GATA4: variants seen among roughly 807,000 people sequenced by gnomAD.
GATA4 encodes GATA binding protein 4.
In GATA4, 7 loss-of-function variants were observed where a neutral mutation model predicts 37.9. The ratio of observed to expected loss-of-function variants is 0.18; its 90% CI spans 0.11 to 0.35. The LOEUF is 0.35. GATA4 is among the 10% of genes least tolerant of loss of function. The probability of loss-of-function intolerance (pLI) is 1.00; values close to 1 mark genes in which losing one functional copy is unlikely to be tolerated. For synonymous variants in GATA4, 372 were observed against 292.6 expected, an observed-to-expected ratio of 1.27 and a Z score of -2.77; for missense variants, 647 against 653.0, an observed-to-expected ratio of 0.99 and a Z score of 0.10.
At chr8:11,719,542 A>G (rs1800579128) in intron 2 of GATA4, among the ~76,000 whole-genome samples, 1 of 152,188 alleles carries the variant, frequency 6.6e-6, no homozygotes, top group Non-Finnish European at 1.5e-5. Flanking sequence ...AACTCAATGT[A>G]TATTTATTAT....
chr8:11,742,984 C>T (rs373608828), intron 2 of GATA4, among the ~76,000 whole-genome samples: 5 of 152,332 alleles, frequency 3.3e-5, no homozygotes, highest in African/African-American at 9.6e-5. Flanking sequence ...TGGGGTCTGG[C>T]CTTTTCCAAG....
At chr8:11,753,789 A>G (rs568557014) in intron 4 of GATA4, among the ~76,000 whole-genome samples, 1 of 152,338 alleles carries the variant, frequency 6.6e-6, no homozygotes, top group Admixed American at 6.5e-5. Context: ...ATGTCTCTGA[A>G]GCAGTAATTG....
intron 2 of GATA4, among the ~76,000 whole-genome samples, chr8:11,728,786 G>C (rs1801065362): frequency 1.3e-5 from 2 of 152,202 alleles, no homozygotes; most frequent in Non-Finnish European, 2.9e-5. Flanking sequence ...TTTTATATTA[G>C]TGAGAATTTG....
upstream of GATA4, among the ~76,000 whole-genome samples, chr8:11,689,835 C>T (rs574805326): frequency 1.3e-5 from 2 of 152,316 alleles, no homozygotes; most frequent in East Asian, 3.9e-4. Flanking sequence ...CTACTGATTA[C>T]ATCAGGGCGA....
upstream of GATA4, among the ~76,000 whole-genome samples, chr8:11,702,556 A>G (rs1030608673): frequency 6.7e-6 from 1 of 150,220 alleles, no homozygotes; most frequent in African/African-American, 2.5e-5. The surrounding 1 kb of genome is among the most constrained non-coding windows in gnomAD (Gnocchi z 4.4). Flanking sequence ...CGCAGATTGG[A>G]GCGTGCTCCG....
chr8:11,723,859 C>T (rs929501847), intron 2 of GATA4, among the ~76,000 whole-genome samples: 1 of 152,166 alleles, frequency 6.6e-6, no homozygotes, highest in African/African-American at 2.4e-5. Flanking sequence ...ATTAAGTGTA[C>T]AGTTGGGTGG....
At chr8:11,757,316 A>G (rs1802640723) in intron 6 of GATA4, among the ~76,000 whole-genome samples, 1 of 152,224 alleles carries the variant, frequency 6.6e-6, no homozygotes, top group African/African-American at 2.4e-5. Context: ...CAAGATGGTG[A>G]TGTGGACATG....
Position 11,723,053 on chromosome 8 carries a change from C to G in GATA4, c.616+14125C>G, listed in dbSNP as rs1208643797. Reference sequence around the variant, plus strand: ...AAATTGTTTTCAGCATGATTAAGAACTCATGGACTTCAGCTGAGTATAGAG... The same window carrying G: ...AAATTGTTTTCAGCATGATTAAGAAGTCATGGACTTCAGCTGAGTATAGAG... On this transcript the variant is annotated intron_variant, in intron 2 of 6. Transcript: ENST00000532059. Among the ~76,000 whole-genome samples the G allele has an allele frequency of 3.3e-5, 5 of 151,720 alleles. No homozygotes were observed. In the East Asian group the frequency reaches 9.8e-4, roughly 30 times the overall value.
chr8:11,755,352 C>A (rs1478994290), intron 5 of GATA4, among the ~76,000 whole-genome samples: 1 of 152,200 alleles, frequency 6.6e-6, no homozygotes, highest in African/African-American at 2.4e-5. Context: ...TCAACTCAAG[C>A]TGGGGCCTGA....
intron 2 of GATA4, among the ~76,000 whole-genome samples, chr8:11,733,534 G>C (rs541972331): frequency 2.7e-4 from 41 of 152,328 alleles, no homozygotes; most frequent in Non-Finnish European, 5.0e-4. Context: ...AAAAAGATTG[G>C]CATTAGCATT....
intron 2 of GATA4, among the ~76,000 whole-genome samples, chr8:11,740,664 G>A (rs776712736): frequency 1.3e-5 from 2 of 152,168 alleles, no homozygotes; most frequent in Non-Finnish European, 2.9e-5. Flanking sequence ...GCTGCCATTC[G>A]GGAGAGTTTT....
chr8:11,696,963 A>T (rs1409209496), intron 1 of GATA4, among the ~76,000 whole-genome samples: 1 of 152,156 alleles, frequency 6.6e-6, no homozygotes, highest in African/African-American at 2.4e-5. Flanking sequence ...GGAGGGGTGG[A>T]CTTTGCCCCT....
At chr8:11,681,263 G>A (rs930093899) in intron 1 of GATA4, 2 of 985,282 alleles carry the variant, frequency 2.0e-6, no homozygotes, top group African/African-American at 3.5e-5. Context: ...GGAGCGACTG[G>A]ATTCCCAGGC....
intron 1 of GATA4, among the ~76,000 whole-genome samples, chr8:11,687,263 T>G (rs1336599292): frequency 6.6e-6 from 1 of 152,154 alleles, no homozygotes; most frequent in Non-Finnish European, 1.5e-5. Context: ...CGCTGTACCA[T>G]TTAGCATCCC....
intron 1 of GATA4, among the ~76,000 whole-genome samples, chr8:11,693,426 C>A (rs189379614): frequency 6.6e-6 from 1 of 151,170 alleles, no homozygotes; most frequent in Non-Finnish European, 1.5e-5. Context: ...CCACTGCAGT[C>A]CAGCCTGGTG....
chr8:11,740,312 T>C (rs550684629), intron 2 of GATA4, among the ~76,000 whole-genome samples: 26 of 152,268 alleles, frequency 1.7e-4, no homozygotes, highest in African/African-American at 6.0e-4. Context: ...CTGCAGAGGG[T>C]GGCCACACAC....
At chr8:11,683,600 C>T (rs1045792197) in intron 1 of GATA4, among the ~76,000 whole-genome samples, 2 of 152,212 alleles carry the variant, frequency 1.3e-5, no homozygotes, top group African/African-American at 4.8e-5. Context: ...ACCAAGCTTT[C>T]CTCTGCGCTG....
chr8:11,679,366 C>G (rs931953460), intron 1 of GATA4, among the ~76,000 whole-genome samples: 8 of 152,190 alleles, frequency 5.3e-5, no homozygotes, highest in Admixed American at 2.6e-4. Context: ...GGGGCTCGCG[C>G]CGCACGACTG....
rs1802182222 is a variant in GATA4, at chr8:11,749,357, C to G, written c.786+272C>G. 6.6e-6 allele frequency among the ~76,000 whole-genome samples: 1 copy of G among 152,164 alleles called. No homozygotes were observed. The highest frequency in any genetic ancestry group is 1.5e-5 in the Non-Finnish European group (1 of 68,038). ...CCACAGCCACTCAGGTACTGAGTCT[C>G]CCATCTAGAACTCTGGAACCAGAAT... On this transcript the variant is annotated intron_variant, in intron 3 of 6. Transcript: ENST00000532059. This position sits in a 1 kb window ranked among gnomAD's most constrained non-coding sequence, Gnocchi z 4.6.
Sources: gnomAD v4.1 joint callset for allele counts (sites outside exome capture counted in the v4.1 genomes callset) on GRCh38, gnomAD v4.1.1 for gene constraint, Gnocchi (gnomAD v3.1) non-coding constraint, MANE v1.5 for transcripts, NCBI Gene and HGNC (gene_info 2026-07-23, HGNC 2026-07-21) for gene names.